The following CFAP47 variants were observed in gnomAD, a reference collection of about 807,000 sequenced individuals.
CFAP47 encodes the protein cilia and flagella associated protein 47.
CFAP47 carries 29 observed loss-of-function variants against 148.1 expected under a neutral mutation model. That is an observed-to-expected ratio of 0.20 (90% CI 0.15 to 0.27). The LOEUF (loss-of-function observed/expected upper bound fraction) is 0.27. CFAP47 is among the 10% of genes least tolerant of loss of function. CFAP47 has a pLI of 1.00. For missense variants in CFAP47, 1,872 were observed against 1,697.5 expected (o/e 1.10, Z -1.81); for synonymous variants, 664 against 577.3 (o/e 1.15, Z -2.15).
chrX:36,114,062 G>C (rs1938599321), intron 33 of CFAP47, among the ~76,000 whole-genome samples: 2 of 110,682 alleles, frequency 1.8e-5, no homozygotes, highest in South Asian at 7.6e-4. Flanking sequence ...TGCCCGCCTT[G>C]GCCTCCCAAG....
intron 61 of CFAP47, among the ~76,000 whole-genome samples, chrX:36,363,714 A>G (rs140385761): frequency 8.9e-6 from 1 of 112,088 alleles, no homozygotes; most frequent in Non-Finnish European, 1.9e-5. Flanking sequence ...AAAATATATC[A>G]TGTTTCACAA....
At chrX:35,923,937 ATATG>A (rs1569200795) in intron 1 of CFAP47, among the ~76,000 whole-genome samples, 2 of 67,406 alleles carry the variant, frequency 3.0e-5, no homozygotes, top group Non-Finnish European at 4.9e-5. Context: ...ATATGTGTAT[ATATG>A]TACATGTGTA....
chrX:36,013,332 C>A (rs1937061223), intron 21 of CFAP47, among the ~76,000 whole-genome samples: 1 of 111,760 alleles, frequency 8.9e-6, no homozygotes, highest in Admixed American at 9.5e-5. Context: ...TGCCTGGGTG[C>A]CGATATTGTC....
intron 30 of CFAP47, among the ~76,000 whole-genome samples, chrX:36,097,308 GT>G (rs780307280): frequency 2.1e-3 from 229 of 110,925 alleles, no homozygotes; most frequent in African/African-American, 7.3e-3. Flanking sequence ...TAATCTGTGG[GT>G]TTTTTTGTGT....
At chrX:36,204,261 C>A (rs1314511281) in intron 44 of CFAP47, among the ~76,000 whole-genome samples, 2 of 111,509 alleles carry the variant, frequency 1.8e-5, no homozygotes, top group African/African-American at 6.5e-5. Flanking sequence ...TTCATTAGAT[C>A]CCATTTGTCA....
intron 57 of CFAP47, among the ~76,000 whole-genome samples, chrX:36,343,297 G>A (rs1352151294): frequency 1.8e-5 from 2 of 111,642 alleles, no homozygotes; most frequent in Non-Finnish European, 3.8e-5. Flanking sequence ...CTTCTCAAAA[G>A]AAGACATTTA....
At chrX:35,955,339 A>AAT (rs1410982414) in intron 7 of CFAP47, among the ~76,000 whole-genome samples, 1 of 111,882 alleles carries the variant, frequency 8.9e-6, no homozygotes, top group Non-Finnish European at 1.9e-5. Context: ...TTCTGTGTCC[A>AAT]ATATATCAGC....
intron 15 of CFAP47, among the ~76,000 whole-genome samples, chrX:35,985,145 G>C (rs1936696987): frequency 1.8e-5 from 2 of 111,188 alleles, no homozygotes; most frequent in African/African-American, 6.6e-5. Context: ...ATATACAAAG[G>C]CTTATCTCAG....
At chrX:36,146,615 G>T (rs1301843710) in intron 36 of CFAP47, among the ~76,000 whole-genome samples, 1 of 111,038 alleles carries the variant, frequency 9.0e-6, no homozygotes, top group Non-Finnish European at 1.9e-5. Flanking sequence ...TAGTGATTTG[G>T]AAATTGCTGA....
intron 33 of CFAP47, among the ~76,000 whole-genome samples, chrX:36,137,459 C>G (rs73472828): frequency 9.0e-6 from 1 of 110,671 alleles, no homozygotes; most frequent in African/African-American, 3.3e-5. Flanking sequence ...CCTGTATTGC[C>G]TTTTATAGGT....
intron 42 of CFAP47, among the ~76,000 whole-genome samples, chrX:36,199,546 T>C (rs1939954273): frequency 8.9e-6 from 1 of 112,030 alleles, no homozygotes; most frequent in East Asian, 2.8e-4. Context: ...TCGCCTTGGG[T>C]AGTGCTCCCT....
At chrX:36,234,027 T>A in intron 46 of CFAP47, among the ~76,000 whole-genome samples, 1 of 110,772 alleles carries the variant, frequency 9.0e-6, no homozygotes, top group Non-Finnish European at 1.9e-5. Context: ...AACCGACCTT[T>A]CTCTCTGGCT....
At chrX:35,931,427 T>C (rs1348892732) in intron 2 of CFAP47, among the ~76,000 whole-genome samples, 3 of 111,214 alleles carry the variant, frequency 2.7e-5, no homozygotes, top group Non-Finnish European at 5.7e-5. Context: ...TTAAACTGAG[T>C]TTTTTCTAAG....
chrX:36,246,749 C>G (rs782422555), intron 48 of CFAP47, among the ~76,000 whole-genome samples: 1 of 111,178 alleles, frequency 9.0e-6, no homozygotes, highest in Non-Finnish European at 1.9e-5. Context: ...CTAGTCAGAA[C>G]GGCTGTTATT....
intron 30 of CFAP47, among the ~76,000 whole-genome samples, chrX:36,091,120 G>C (rs1248020166): frequency 9.0e-6 from 1 of 111,249 alleles, no homozygotes; most frequent in Admixed American, 9.6e-5. Flanking sequence ...GATTCAAAAT[G>C]AAAAGCATAA....
At position 36,160,670 on chromosome X, in the gene CFAP47, T is replaced by C. The variant is rs931258524; in HGVS notation, c.5938-11T>C. On this transcript the variant is annotated splice_polypyrimidine_tract_variant and intron_variant, in intron 38 of 63. Transcript: ENST00000378653. ...ATTATCATGTGGTAAGACTTTATTT[T>C]TTTACTTTAGGACATTATAAAATGC... The C allele has an allele frequency of 1.0e-5, 3 of 291,250 alleles. No homozygotes were observed. The highest frequency in any genetic ancestry group is 1.8e-5 in the Non-Finnish European group (3 of 167,709). The allele number at this position is 291,250 out of a possible 1,213,427, so 24.0% of individuals were successfully genotyped here.
At chrX:36,227,755 A>G (rs1940287531) in intron 45 of CFAP47, among the ~76,000 whole-genome samples, 1 of 112,222 alleles carries the variant, frequency 8.9e-6, no homozygotes, top group African/African-American at 3.2e-5. Context: ...TGTTTTTAAA[A>G]TCATTTGTTG....
chrX:35,988,910 G>T (rs1323348115), intron 15 of CFAP47, among the ~76,000 whole-genome samples: 1 of 112,091 alleles, frequency 8.9e-6, no homozygotes, highest in Non-Finnish European at 1.9e-5. Context: ...AATGAATGAT[G>T]CTGACAAGTA....
At chrX:36,277,038 G>C (rs1941026024) in intron 49 of CFAP47, among the ~76,000 whole-genome samples, 1 of 111,840 alleles carries the variant, frequency 8.9e-6, no homozygotes, top group Non-Finnish European at 1.9e-5. Context: ...GGGACAATGA[G>C]AGGACTGCAG....
Sources: allele counts gnomAD v4.1 joint callset (sites outside exome capture counted in the v4.1 genomes callset), GRCh38; gene constraint gnomAD v4.1.1; transcripts MANE v1.5; gene names NCBI Gene and HGNC (gene_info 2026-07-23, HGNC 2026-07-21).